Variants in TET1 observed in about 807,000 individuals in gnomAD.
TET1 encodes the protein tet methylcytosine dioxygenase 1.
A neutral mutation model predicts 148.7 loss-of-function variants in TET1; 13 were observed. The ratio of observed to expected loss-of-function variants is 0.09; its 90% CI spans 0.06 to 0.14. The LOEUF (loss-of-function observed/expected upper bound fraction) is 0.14. Ranked by LOEUF, TET1 falls within the 10% of genes least tolerant of loss-of-function variation. TET1 has a pLI of 1.00. For synonymous variants in TET1, 907 were observed against 937.2 expected (o/e 0.97, Z 0.59); for missense variants, 2,182 against 2,553.8 (o/e 0.85, Z 3.14).
chr10:68,671,955 G>C (rs534267525), intron 7 of TET1, among the ~76,000 whole-genome samples: 60 of 152,092 alleles, frequency 3.9e-4, no homozygotes, highest in African/African-American at 1.4e-3. Flanking sequence ...TGTTGGTCAG[G>C]GTGGTCTTGA....
rs34173669 is a variant in TET1, at chr10:68,607,408, G to GT, written c.1968+6386dup. Among the ~76,000 whole-genome samples, 1,112 of 146,960 alleles carry GT rather than the reference G, an allele frequency of 7.6e-3. 20 individuals are homozygous for GT. Among genetic ancestry groups the GT allele is most frequent in the South Asian group, 0.057 (268 of 4,698 alleles). On this transcript the variant is annotated intron_variant, in intron 3 of 11. Coordinates refer to ENST00000373644, the MANE Select transcript of TET1 (RefSeq NM_030625.3). Reference sequence around the variant, plus strand: ...TATTTAAGTTTTGTTTGGATCTTAAGTTTTTTTTTTTTGTTTTTTTTGTTT... The same window carrying GT: ...TATTTAAGTTTTGTTTGGATCTTAAGTTTTTTTTTTTTTGTTTTTTTTGTTT...
rs187531034 is a variant in TET1 at position 68,629,971 on chromosome 10, A to G, written c.1969-14727A>G. The stretch of plus-strand genomic sequence containing the variant: ...ACTAATCCTGTAAGGGTGTGAGTTG[A>G]TAGAAGATTAGGTTCTGAAAATATT... On this transcript the variant is annotated intron_variant, in intron 3 of 11. Coordinates refer to ENST00000373644, the MANE Select transcript of TET1 (RefSeq NM_030625.3). Among the ~76,000 whole-genome samples, 446 of 152,366 alleles carry G rather than the reference A, an allele frequency of 2.9e-3. 1 individual carries two copies. The highest frequency in any genetic ancestry group is 0.01 in the African/African-American group (424 of 41,592).
chr10:68,589,686 T>G (rs1157228850), intron 2 of TET1, among the ~76,000 whole-genome samples: 1 of 101,504 alleles, frequency 9.9e-6, no homozygotes, highest in African/African-American at 3.4e-5. Flanking sequence ...TTTTTTTTTT[T>G]TGGAGACAAG....
At chr10:68,617,087 C>T (rs183174091) in intron 3 of TET1, among the ~76,000 whole-genome samples, 96 of 124,944 alleles carry the variant, frequency 7.7e-4, no homozygotes, top group South Asian at 4.0e-3. Context: ...AGTGCAGTGG[C>T]GCGATCTCAC....
chr10:68,668,560 A>T (rs1292717674), intron 7 of TET1, among the ~76,000 whole-genome samples: 1 of 152,190 alleles, frequency 6.6e-6, no homozygotes, highest in Non-Finnish European at 1.5e-5. Flanking sequence ...TTGTAAGAGG[A>T]GATAAGTTTT....
At position 68,623,934 on chromosome 10, in the gene TET1, G is replaced by C. The variant is rs568242995; in HGVS notation, c.1969-20764G>C. Among the ~76,000 whole-genome samples, 23 of 152,130 alleles carry C rather than the reference G, an allele frequency of 1.5e-4. No individual in the cohort carries two copies. The South Asian group carries it at 4.8e-3, about 32-fold the overall frequency. ...TGCTGCCACCCCAAATCCTTTTCCA[G>C]CACTTTTTCCTTTGAATTTCAGCCT... is the stretch of plus-strand genomic sequence containing the variant. On this transcript the variant is annotated intron_variant, in intron 3 of 11. Transcript: ENST00000373644.
intron 7 of TET1, among the ~76,000 whole-genome samples, chr10:68,668,562 A>G (rs759509726): frequency 2.6e-5 from 4 of 152,170 alleles, no homozygotes; most frequent in Non-Finnish European, 5.9e-5. Flanking sequence ...GTAAGAGGAG[A>G]TAAGTTTTGT....
intron 3 of TET1, among the ~76,000 whole-genome samples, chr10:68,636,206 T>C (rs1242590248): frequency 6.6e-6 from 1 of 152,162 alleles, no homozygotes; most frequent in Non-Finnish European, 1.5e-5. Context: ...CCAGGAATAC[T>C]TGTGAACAGA....
At chr10:68,627,147 C>T (rs567377930) in intron 3 of TET1, among the ~76,000 whole-genome samples, 37 of 152,060 alleles carry the variant, frequency 2.4e-4, no homozygotes, top group Non-Finnish European at 4.3e-4. Flanking sequence ...GTGGCTCATG[C>T]CTGTAATCCC....
chr10:68,637,515 A>ATTG (rs2054671170), intron 3 of TET1, among the ~76,000 whole-genome samples: 1 of 50,322 alleles, frequency 2.0e-5, no homozygotes, highest in Admixed American at 2.3e-4. Context: ...GTTGTTTCCT[A>ATTG]TTCTTTTTTT....
Position 68,652,725 on chromosome 10 carries a change from G to T in TET1, c.4461+131G>T, listed in dbSNP as rs1043857492. 3 of 611,034 alleles carry T rather than the reference G, an allele frequency of 4.9e-6. No homozygotes were observed. The Admixed American group carries it at 1.0e-4, about 21-fold the overall frequency. 37.9% of individuals were successfully genotyped at this position (611,034 alleles called of 1,614,324 possible). A position where few individuals can be genotyped will look rare whatever the true frequency, so the allele number is the denominator to read the frequency against. Reference sequence around the variant, plus strand: ...TTATTTAATTTTTGAGACAGGCTTTGTCGCCCCGGCTGGATTGCAGTGGTG... The same window carrying T: ...TTATTTAATTTTTGAGACAGGCTTTTTCGCCCCGGCTGGATTGCAGTGGTG... On this transcript the variant is annotated intron_variant, in intron 6 of 11. Coordinates refer to ENST00000373644, the MANE Select transcript of TET1 (RefSeq NM_030625.3).
chr10:68,660,836 G>A (rs2055098064), intron 6 of TET1, among the ~76,000 whole-genome samples: 1 of 148,016 alleles, frequency 6.8e-6, no homozygotes, highest in African/African-American at 2.5e-5. Flanking sequence ...AATTTTTTTT[G>A]TATTTTTAGT....
chr10:68,575,105 CT>C (rs1306354668), intron 2 of TET1, among the ~76,000 whole-genome samples: 2 of 152,282 alleles, frequency 1.3e-5, no homozygotes, highest in Non-Finnish European at 2.9e-5. Context: ...TATTGTAGGC[CT>C]GGTGTGGTGG....
At chr10:68,660,157 G>T (rs1052648490) in intron 6 of TET1, among the ~76,000 whole-genome samples, 2 of 152,028 alleles carry the variant, frequency 1.3e-5, no homozygotes, top group African/African-American at 4.8e-5. Context: ...GATCATTTGT[G>T]CACTGACGAA....
chr10:68,586,656 T>A (rs1182485882), intron 2 of TET1, among the ~76,000 whole-genome samples: 2 of 149,246 alleles, frequency 1.3e-5, no homozygotes, highest in Non-Finnish European at 1.5e-5. Context: ...TTTTTTTTTT[T>A]AACAGATTTG....
chr10:68,593,493 AGT>A (rs1267624129), intron 2 of TET1, among the ~76,000 whole-genome samples: 1 of 152,004 alleles, frequency 6.6e-6, no homozygotes, highest in Non-Finnish European at 1.5e-5. Flanking sequence ...CCCAGGCTGG[AGT>A]GCAGTGGCAG....
intron 11 of TET1, 52 bp from the exon 12 acceptor site, chr10:68,690,755 AC>A (rs2055578714): frequency 6.6e-7 from 1 of 1,505,264 alleles, no homozygotes. Context: ...TTAAAAGGCA[AC>A]CCCTACCAAA....
intron 8 of TET1, among the ~76,000 whole-genome samples, chr10:68,673,940 T>TC (rs201728907): frequency 1.4e-5 from 2 of 143,988 alleles, no homozygotes; most frequent in Admixed American, 6.9e-5. Context: ...TTTTTCTTTT[T>TC]TTTTTTTCTT....
rs73262444 is a variant in TET1 at position 68,675,433 on chromosome 10, T to A, written c.4824+2388T>A. Among the ~76,000 whole-genome samples the A allele has an allele frequency of 6.2e-3, 948 of 152,184 alleles. 12 individuals are homozygous for A. The highest frequency in any genetic ancestry group is 0.022 in the African/African-American group (902 of 41,510). ...AAGCTTGGGTGGAAGAATGATAAAA[T>A]CGTTGATGCCTTATAAAAAGCTTAT... On this transcript the variant is annotated intron_variant, in intron 8 of 11. Coordinates refer to ENST00000373644, the MANE Select transcript of TET1 (RefSeq NM_030625.3).
Sources: gnomAD v4.1 joint callset for allele counts (sites outside exome capture counted in the v4.1 genomes callset) on GRCh38, gnomAD v4.1.1 for gene constraint, MANE v1.5 for transcripts, NCBI Gene and HGNC (gene_info 2026-07-23, HGNC 2026-07-21) for gene names.